RNF157: variants seen among roughly 807,000 people sequenced by gnomAD.
RNF157 encodes the protein ring finger protein 157.
Under a neutral mutation model 88.3 loss-of-function variants are expected in RNF157, and 55 were observed. The ratio of observed to expected loss-of-function variants is 0.62; its 90% CI spans 0.50 to 0.78. RNF157 has a LOEUF of 0.78. Ranked by LOEUF, RNF157 falls within the 30% of genes least tolerant of loss-of-function variation. RNF157 has a pLI of 0.00. For synonymous variants in RNF157, 334 were observed against 341.2 expected (o/e 0.98, Z 0.23); for missense variants, 788 against 860.8 (o/e 0.92, Z 1.06).
chr17:76,199,849 G>A (rs192214223), intron 2 of RNF157, among the ~76,000 whole-genome samples: 25 of 152,254 alleles, frequency 1.6e-4, no homozygotes, highest in Non-Finnish European at 3.2e-4. Context: ...AGGATGAAAA[G>A]TAATATAAGT....
At chr17:76,201,343 G>T (rs1193862180) in intron 2 of RNF157, among the ~76,000 whole-genome samples, 1 of 145,408 alleles carries the variant, frequency 6.9e-6, no homozygotes, top group Non-Finnish European at 1.5e-5. Context: ...AAAAAAAAGA[G>T]AAAAAGAAAA....
intron 1 of RNF157, among the ~76,000 whole-genome samples, chr17:76,220,427 T>C (rs899181970): frequency 2.0e-5 from 3 of 149,240 alleles, no homozygotes; most frequent in African/African-American, 7.4e-5. Flanking sequence ...AGGATGCTAG[T>C]AAACCAATTC....
intron 1 of RNF157, among the ~76,000 whole-genome samples, chr17:76,224,857 CT>C (rs1408484589): frequency 6.6e-6 from 1 of 152,158 alleles, no homozygotes; most frequent in Admixed American, 6.6e-5. Flanking sequence ...CAAACTTGCC[CT>C]AGAGCATATT....
intron 2 of RNF157, among the ~76,000 whole-genome samples, chr17:76,211,337 C>A (rs1373546160): frequency 6.6e-6 from 1 of 152,244 alleles, no homozygotes; most frequent in Non-Finnish European, 1.5e-5. Context: ...ACTCCCTGCA[C>A]CTCTTCCCAG....
rs572297287 is a variant in RNF157 at position 76,145,486 on chromosome 17, G to A, written c.1922-133C>T. 5.8e-5 allele frequency: 37 copies of A among 634,494 alleles called. 1 individual carries two copies. The highest frequency in any genetic ancestry group is 5.7e-4 in the South Asian group (29 of 50,720). 39.3% of individuals were successfully genotyped at this position (634,494 alleles called of 1,614,324 possible). On this transcript the variant is annotated intron_variant, in intron 18 of 18. Coordinates refer to ENST00000269391, the MANE Select transcript of RNF157 (RefSeq NM_052916.3). ...TCACCTGAGACTCCGATGACGGTGC[G>A]AGCCACAGCACTCGTGTGTGAGAAC...
At chr17:76,147,599 G>A (rs2068604214) in intron 18 of RNF157, 3 of 152,470 alleles carry the variant, frequency 2.0e-5, no homozygotes, top group Admixed American at 2.0e-4. Flanking sequence ...CTGGCCTCTT[G>A]GTATGCTCTG....
In RNF157 at chr17:76,144,324, C is replaced by CT. The variant is rs537206784; in HGVS notation, c.*910dup. The CT allele has an allele frequency of 0.014, 2,003 of 139,532 alleles. 36 individuals carry two copies. Among genetic ancestry groups the CT allele is most frequent in the African/African-American group, 0.045 (1,697 of 37,730 alleles). The allele number at this position is 139,532 out of a possible 1,614,324, so 8.6% of individuals were successfully genotyped here. ...GGATTCTCAGATTCAAGGGCTCCTT[C>CT]TTTTTTTTTTTTTTTCTCTGTCGCC... On this transcript the variant is annotated 3_prime_UTR_variant, in exon 19 of 19. Coordinates refer to ENST00000269391, the MANE Select transcript of RNF157 (RefSeq NM_052916.3).
rs369073980 is a variant in RNF157 at position 76,142,940 on chromosome 17, C to G, written c.*2295G>C. On this transcript the variant is annotated 3_prime_UTR_variant, in exon 19 of 19. Coordinates refer to ENST00000269391, the MANE Select transcript of RNF157 (RefSeq NM_052916.3). ...GTGCCCTGTGGGAGAAGCCAGGCCCCACCTCTTCTCTTTGGGTGAACTGTT... is the reference window on the plus strand; with the variant it reads ...GTGCCCTGTGGGAGAAGCCAGGCCCGACCTCTTCTCTTTGGGTGAACTGTT... 1 of 152,538 alleles carries G rather than the reference C, an allele frequency of 6.6e-6. No individual in the cohort carries two copies. Among genetic ancestry groups the G allele is most frequent in the East Asian group, 1.9e-4 (1 of 5,194 alleles). The allele number at this position is 152,538 out of a possible 1,614,324, so 9.4% of individuals were successfully genotyped here. A position where few individuals can be genotyped will look rare whatever the true frequency, so the allele number is the denominator to read the frequency against.
intron 2 of RNF157, among the ~76,000 whole-genome samples, chr17:76,200,012 C>A (rs1421206075): frequency 6.6e-6 from 1 of 151,804 alleles, no homozygotes; most frequent in Non-Finnish European, 1.5e-5. Flanking sequence ...CCGAGGCGGG[C>A]GGATCACGAG....
rs150762833 is a variant in RNF157 at position 76,144,810 on chromosome 17, C to T, written c.*425G>A. ...CCACAGGAGCGATCCTCCAGCCCTA[C>T]CCCAAACTGCAGGTTTCCAATTGGT... On this transcript the variant is annotated 3_prime_UTR_variant, in exon 19 of 19. Coordinates refer to ENST00000269391, the MANE Select transcript of RNF157 (RefSeq NM_052916.3). 351 of 159,508 alleles carry T rather than the reference C, an allele frequency of 2.2e-3. 4 individuals carry two copies. The highest frequency in any genetic ancestry group is 7.4e-3 in the African/African-American group (310 of 41,776). 9.9% of individuals were successfully genotyped at this position (159,508 alleles called of 1,614,324 possible). A position where few individuals can be genotyped will look rare whatever the true frequency, so the allele number is the denominator to read the frequency against.
intron 2 of RNF157, among the ~76,000 whole-genome samples, chr17:76,200,885 G>A (rs2144979434): frequency 6.6e-6 from 1 of 152,116 alleles, no homozygotes; most frequent in East Asian, 1.9e-4. Flanking sequence ...GCACCAAGAG[G>A]ACCGAGCTCC....
At chr17:76,226,463 G>T (rs537864546) in intron 1 of RNF157, 2 of 1,604,528 alleles carry the variant, frequency 1.2e-6, no homozygotes, top group East Asian at 2.2e-5. Context: ...GTCATCCAAC[G>T]TGGTCAAAAG....
rs916233582 is a variant in RNF157 at position 76,225,734 on chromosome 17, T to C, written c.89-13252A>G. The C allele has an allele frequency of 4.0e-6, 6 of 1,514,946 alleles. No homozygotes were observed. The African/African-American group carries it at 8.4e-5, about 21-fold the overall frequency. The allele number at this position is 1,514,946 out of a possible 1,614,324, so 93.8% of individuals were successfully genotyped here. A position where few individuals can be genotyped will look rare whatever the true frequency, so the allele number is the denominator to read the frequency against. On this transcript the variant is annotated intron_variant, in intron 1 of 18. Transcript: ENST00000269391. Reference sequence around the variant, plus strand: ...ACTCTATGTACAAGCACGTTGACACTCCTGACCTACCCTCAACTAGGGGAC... The same window carrying C: ...ACTCTATGTACAAGCACGTTGACACCCCTGACCTACCCTCAACTAGGGGAC...
Position 76,154,310 on chromosome 17 carries a change from C to T in RNF157, c.1783G>A (p.Glu595Lys). Reference sequence around the variant, plus strand: ...TCCTGCGTGGGTGATCCATCCTCTTCCTCTATAACATCATTTCCCTAGGAC... The same window carrying T: ...TCCTGCGTGGGTGATCCATCCTCTTTCTCTATAACATCATTTCCCTAGGAC... ...QDAEGNDVIE[E>K]EDGSPTQEGQ... The change falls in exon 17 of 19, where the codon GAA (glutamate) becomes AAA (lysine). Residue 595 changes from glutamate (E) to lysine (K), a missense_variant. Glu to Lys is a moderately conservative substitution (Grantham distance 56). Coordinates refer to ENST00000269391, the MANE Select transcript of RNF157 (RefSeq NM_052916.3). 6.2e-7 allele frequency: 1 copy of T among 1,612,324 alleles called. No homozygotes were observed. Among genetic ancestry groups the T allele is most frequent in the Non-Finnish European group, 8.5e-7 (1 of 1,178,360 alleles).
At chr17:76,204,525 C>T (rs898575359) in intron 2 of RNF157, among the ~76,000 whole-genome samples, 9 of 152,312 alleles carry the variant, frequency 5.9e-5, no homozygotes, top group African/African-American at 2.2e-4. Context: ...CTCATAAATA[C>T]TTGTTGAATG....
rs568785635 is a variant in RNF157, at chr17:76,240,086, G to A, written c.88+67C>T. On this transcript the variant is annotated intron_variant, in intron 1 of 18. Transcript: ENST00000269391. The surrounding 1 kb of genome is among the most constrained non-coding windows in gnomAD (Gnocchi z 4.4). ...AAGACCCGCGGGGCCCCCTCAGGCC[G>A]TCCCGACCCAGACCCCTGCCCCTGC... is the stretch of plus-strand genomic sequence containing the variant. The A allele has an allele frequency of 1.3e-5, 13 of 1,023,108 alleles. No individual in the cohort carries two copies. The highest frequency in any genetic ancestry group is 4.9e-4 in the Middle Eastern group (2 of 4,108). The allele number at this position is 1,023,108 out of a possible 1,614,324, so 63.4% of individuals were successfully genotyped here.
intron 2 of RNF157, among the ~76,000 whole-genome samples, chr17:76,199,296 G>C (rs568994432): frequency 1.5e-4 from 23 of 152,170 alleles, no homozygotes; most frequent in African/African-American, 4.8e-4. Flanking sequence ...TTCCAAATTG[G>C]TTTTGGCTGG....
At chr17:76,201,305 G>A (rs375048741) in intron 2 of RNF157, among the ~76,000 whole-genome samples, 1 of 138,438 alleles carries the variant, frequency 7.2e-6, no homozygotes, top group East Asian at 2.0e-4. Context: ...TGGCAACATA[G>A]TGAGACCCTA....
intron 2 of RNF157, among the ~76,000 whole-genome samples, chr17:76,194,798 G>A (rs62090133): frequency 9.9e-4 from 151 of 152,196 alleles, no homozygotes; most frequent in Middle Eastern, 3.4e-3. Flanking sequence ...GGCAGATCAC[G>A]AGGTCAGGAG....
Sources: gnomAD v4.1 joint callset for allele counts (sites outside exome capture counted in the v4.1 genomes callset) on GRCh38, gnomAD v4.1.1 for gene constraint, Gnocchi (gnomAD v3.1) non-coding constraint, MANE v1.5 for transcripts, NCBI Gene and HGNC (gene_info 2026-07-23, HGNC 2026-07-21) for gene names.